The following ZFHX4 variants were observed in gnomAD, a reference collection of about 807,000 sequenced individuals.
ZFHX4 encodes the protein zinc finger homeobox 4.
Under a neutral mutation model 267.6 loss-of-function variants are expected in ZFHX4, and 56 were observed. That is an observed-to-expected ratio of 0.21 (90% confidence interval 0.17 to 0.26). ZFHX4 has a LOEUF of 0.26. Among genes scored for constraint, ZFHX4 ranks in the 10% least tolerant of loss-of-function variants. The pLI, the probability that ZFHX4 is intolerant of heterozygous loss-of-function variation, is 1.00. For synonymous variants in ZFHX4, 1,778 were observed against 1,665.6 expected, an observed-to-expected ratio of 1.07 and a Z score of -1.64; for missense variants, 4,332 against 4,420.0, an observed-to-expected ratio of 0.98 and a Z score of 0.56.
At chr8:76,783,478 T>C (rs1810605879) in intron 4 of ZFHX4, among the ~76,000 whole-genome samples, 1 of 152,052 alleles carries the variant, frequency 6.6e-6, no homozygotes, top group African/African-American at 2.4e-5. Flanking sequence ...AGTGTTGTTT[T>C]CTTTTTTTAA....
intron 6 of ZFHX4, among the ~76,000 whole-genome samples, chr8:76,843,184 T>C (rs1279828731): frequency 2.0e-5 from 3 of 152,226 alleles, no homozygotes; most frequent in Non-Finnish European, 4.4e-5. Context: ...TTCAGTCACA[T>C]GTATTCGCCC....
At chr8:76,786,592 C>G (rs1810698292) in intron 4 of ZFHX4, among the ~76,000 whole-genome samples, 1 of 151,634 alleles carries the variant, frequency 6.6e-6, no homozygotes, top group Non-Finnish European at 1.5e-5. Flanking sequence ...ATAGTGTGTA[C>G]CAAGTTTTGG....
At chr8:76,859,887 A>G (rs1213723028) in intron 10 of ZFHX4, among the ~76,000 whole-genome samples, 1 of 152,148 alleles carries the variant, frequency 6.6e-6, no homozygotes, top group Non-Finnish European at 1.5e-5. Flanking sequence ...TTCTGAAAGT[A>G]TTACTATCAG....
intron 9 of ZFHX4, 126 bp downstream of exon 9, chr8:76,850,488 CA>C: frequency 1.3e-6 from 1 of 792,340 alleles, no homozygotes; most frequent in Non-Finnish European, 2.0e-6. Flanking sequence ...TATGCCATTT[CA>C]AAGAGCCATA....
Position 76,866,409 on chromosome 8 carries a change from A to G in ZFHX4, c.*1844A>G, listed in dbSNP as rs768352785. On this transcript the variant is annotated 3_prime_UTR_variant, in exon 11 of 11. Coordinates refer to ENST00000651372, the MANE Select transcript of ZFHX4 (RefSeq NM_024721.5). The stretch of plus-strand genomic sequence containing the variant: ...TTTTGTTTCGGATGATGATCACAGC[A>G]ATCTTTATTCTATACATTTTATGTG... The G allele has an allele frequency of 8.6e-5, 13 of 151,950 alleles. No individual in the cohort carries two copies. The highest frequency in any genetic ancestry group is 1.8e-4 in the Non-Finnish European group (12 of 67,910). The allele number at this position is 151,950 out of a possible 1,614,324, so 9.4% of individuals were successfully genotyped here.
intron 4 of ZFHX4, among the ~76,000 whole-genome samples, chr8:76,818,979 C>T (rs1235947263): frequency 6.6e-6 from 1 of 151,840 alleles, no homozygotes. Context: ...AAGGAGGAGC[C>T]AAGGGTCCCA....
In ZFHX4 at chr8:76,686,781, T is replaced by C. The variant is rs142805569; in HGVS notation, c.-47+5161T>C. 1.2e-4 allele frequency among the ~76,000 whole-genome samples: 19 copies of C among 152,328 alleles called. No individual in the cohort carries two copies. In the East Asian group the frequency reaches 3.3e-3, roughly 26 times the overall value. The stretch of plus-strand genomic sequence containing the variant: ...ATGAGTCTTTAAAGACTAATCCATC[T>C]CCCTCTCTTCATTTTCCTTATCCCT... On this transcript the variant is annotated intron_variant, in intron 1 of 10. Coordinates refer to ENST00000651372, the MANE Select transcript of ZFHX4 (RefSeq NM_024721.5).
At position 76,863,474 on chromosome 8, in the gene ZFHX4, C is replaced by T. The variant is rs758052672; in HGVS notation, c.9760C>T (p.Pro3254Ser). The T allele has an allele frequency of 1.9e-6, 3 of 1,613,640 alleles. No individual in the cohort carries two copies. The highest frequency in any genetic ancestry group is 2.7e-5 in the African/African-American group (2 of 75,004). ...QALQNAIAGD[P>S]ASFIGGQFLP... is the part of the protein sequence containing the mutation. ...ATTACAGAATGCAATTGCTGGTGAC[C>T]CAGCTTCCTTTATAGGCGGACAGTT... The change falls in exon 11 of 11, where the codon CCA becomes TCA. Residue 3254 changes from proline to serine, a missense_variant. Physicochemically the swap from Pro to Ser is moderately conservative, Grantham distance 74. Transcript: ENST00000651372.
chr8:76,771,011 T>A lies in ZFHX4; in HGVS notation c.3094-7197T>A, dbSNP rs139641451. Among the ~76,000 whole-genome samples, 417 of 152,282 alleles carry A rather than the reference T, an allele frequency of 2.7e-3. 2 individuals carry two copies. The highest frequency in any genetic ancestry group is 9.6e-3 in the African/African-American group (397 of 41,562). On this transcript the variant is annotated intron_variant, in intron 3 of 10. Transcript: ENST00000651372. ...AAATATTTTGAAAGTGAAGGGGTGA[T>A]GGTTGTTAAACTGGAAGTGTGCTGG...
At chr8:76,749,741 A>G (rs1471541756) in intron 3 of ZFHX4, among the ~76,000 whole-genome samples, 1 of 152,162 alleles carries the variant, frequency 6.6e-6, no homozygotes, top group Non-Finnish European at 1.5e-5. Context: ...TACCCAATAC[A>G]TGTTGTTTAT....
At chr8:76,697,743 T>C (rs1807995514) in intron 1 of ZFHX4, among the ~76,000 whole-genome samples, 1 of 152,078 alleles carries the variant, frequency 6.6e-6, no homozygotes, top group Non-Finnish European at 1.5e-5. Flanking sequence ...TTCCATAACT[T>C]CAGGGTATAT....
chr8:76,843,259 A>C (rs1409892772), intron 6 of ZFHX4, among the ~76,000 whole-genome samples: 1 of 152,220 alleles, frequency 6.6e-6, no homozygotes, highest in Non-Finnish European at 1.5e-5. Context: ...TACACTCAGG[A>C]ATTTGCCCTT....
In ZFHX4 at chr8:76,854,047, G is replaced by A. The variant is rs1812628724; in HGVS notation, c.7126G>A (p.Ala2376Thr). Residue 2376 changes from alanine (A) to threonine (T), a missense_variant, in exon 10 of 11, where the codon GCT becomes ACT. Ala to Thr is a moderately conservative substitution (Grantham distance 58). Coordinates refer to ENST00000651372, the MANE Select transcript of ZFHX4 (RefSeq NM_024721.5). ...VSGQTDAAKN[A>T]AAPAASSGSG... is the part of the protein sequence containing the mutation. ...TGGCCAAACGGATGCAGCTAAAAACGCTGCTGCCCCTGCAGCAAGTTCTGG... is the reference window on the plus strand; with the variant it reads ...TGGCCAAACGGATGCAGCTAAAAACACTGCTGCCCCTGCAGCAAGTTCTGG... The A allele has an allele frequency of 6.2e-7, 1 of 1,613,828 alleles. No homozygotes were observed. Among genetic ancestry groups the A allele is most frequent in the Middle Eastern group, 1.6e-4 (1 of 6,062 alleles).
At chr8:76,787,557 C>G (rs1164278142) in intron 4 of ZFHX4, among the ~76,000 whole-genome samples, 1 of 151,196 alleles carries the variant, frequency 6.6e-6, no homozygotes, top group Non-Finnish European at 1.5e-5. Flanking sequence ...AATCCCAGCC[C>G]TTTGGAAGGC....
intron 4 of ZFHX4, among the ~76,000 whole-genome samples, chr8:76,812,865 T>C (rs181273713): frequency 3.7e-4 from 57 of 152,300 alleles, no homozygotes; most frequent in African/African-American, 1.3e-3. Context: ...TAAAAAAATG[T>C]ATTTGATGGC....
At chr8:76,750,274 G>T (rs1472522522) in intron 3 of ZFHX4, among the ~76,000 whole-genome samples, 1 of 152,058 alleles carries the variant, frequency 6.6e-6, no homozygotes, top group African/African-American at 2.4e-5. Context: ...TGTATATAAA[G>T]ATTTACATTT....
At position 76,863,228 on chromosome 8, in the gene ZFHX4, C is replaced by T. The variant is rs1273442808; in HGVS notation, c.9514C>T (p.Pro3172Ser). 1 of 1,587,288 alleles carries T rather than the reference C, an allele frequency of 6.3e-7. No individual in the cohort carries two copies. Among genetic ancestry groups the T allele is most frequent in the Non-Finnish European group, 8.6e-7 (1 of 1,166,320 alleles). The stretch of plus-strand genomic sequence containing the variant: ...ACCTCCACCACCTCCTCCTCCTCCT[C>T]CTCCTTCATCCTCTCTGTCAGGACA... ...PPPPPPPPPP[P>S]PSSSLSGQQT... Residue 3172 changes from proline (P) to serine (S), a missense_variant, in exon 11 of 11, where the codon CCT becomes TCT. Around this residue, in one of 7 missense-constraint regions of ZFHX4, gnomAD observed 1,648 missense variants for 1,625.0 expected, o/e 1.01. Transcript: ENST00000651372.
At position 76,851,976 on chromosome 8, in the gene ZFHX4, T is replaced by C; in HGVS notation, c.5055T>C (p.His1685=). 1.2e-6 allele frequency: 2 copies of C among 1,613,940 alleles called. No homozygotes were observed. Among genetic ancestry groups the C allele is most frequent in the Non-Finnish European group, 1.7e-6 (2 of 1,179,850 alleles). Residue 1685 remains histidine (H), a synonymous_variant, in exon 10 of 11, where the codon CAT becomes CAC. Transcript: ENST00000651372. The part of the protein sequence containing the change: ...TPDLISAQPA[H]HPPQSPAQIQ... ...ATTTAATCTCTGCTCAACCTGCACA[T>C]CACCCACCACAGTCACCAGCACAAA...
chr8:76,846,110 C>A (rs1002160615), intron 6 of ZFHX4, among the ~76,000 whole-genome samples: 2 of 151,918 alleles, frequency 1.3e-5, no homozygotes, highest in African/African-American at 2.4e-5. Context: ...AGAAAAGAGA[C>A]CCCAGAGTTA....
Sources: gnomAD v4.1 joint callset for allele counts (sites outside exome capture counted in the v4.1 genomes callset) on GRCh38, gnomAD v4.1.1 for gene constraint, gnomAD v4.1.1 regional missense constraint, MANE v1.5 for transcripts, NCBI Gene and HGNC (gene_info 2026-07-23, HGNC 2026-07-21) for gene names.